Variants in USP12 observed in about 807,000 individuals in gnomAD.
USP12 encodes the protein ubiquitin specific peptidase 12.
In USP12, 19 loss-of-function variants were observed where a neutral mutation model predicts 45.5. The observed-to-expected ratio is 0.42, with a 90% CI of 0.29 to 0.61. The LOEUF (loss-of-function observed/expected upper bound fraction) is 0.61. Among genes scored for constraint, USP12 ranks in the 20% least tolerant of loss-of-function variants. USP12 has a pLI of 0.22. For synonymous variants in USP12, 149 were observed against 148.8 expected (o/e 1.00, Z -0.01); for missense variants, 242 against 447.7 (o/e 0.54, Z 4.15).
intron 6 of USP12, among the ~76,000 whole-genome samples, chr13:27,083,112 G>A (rs1243372598): frequency 6.6e-6 from 1 of 152,198 alleles, no homozygotes; most frequent in Non-Finnish European, 1.5e-5. Flanking sequence ...TGGGATTACA[G>A]GTGTGAGTCA....
intron 1 of USP12, among the ~76,000 whole-genome samples, chr13:27,165,533 T>A (rs2137848529): frequency 6.6e-6 from 1 of 152,192 alleles, no homozygotes; most frequent in South Asian, 2.1e-4. Context: ...ACACAGTGAT[T>A]ACCATGGGCC....
At chr13:27,085,312 C>G (rs1873961789) in intron 6 of USP12, among the ~76,000 whole-genome samples, 1 of 152,156 alleles carries the variant, frequency 6.6e-6, no homozygotes, top group East Asian at 1.9e-4. Flanking sequence ...TCCAGAGTAG[C>G]TGGGATTACA....
At chr13:27,153,434 A>G (rs1034636871) in intron 1 of USP12, among the ~76,000 whole-genome samples, 1 of 152,276 alleles carries the variant, frequency 6.6e-6, no homozygotes, top group Non-Finnish European at 1.5e-5. Context: ...GTAATGAAAT[A>G]GAAATATTTT....
chr13:27,145,908 A>G (rs1027298434), intron 1 of USP12, among the ~76,000 whole-genome samples: 6 of 152,190 alleles, frequency 3.9e-5, no homozygotes, highest in African/African-American at 1.4e-4. Flanking sequence ...AATGTTAAGA[A>G]AATATTTAAT....
chr13:27,095,890 C>G, intron 3 of USP12, 60 bp from the exon 4 acceptor site: 1 of 1,278,734 alleles, frequency 7.8e-7, no homozygotes, highest in Non-Finnish European at 1.1e-6. Flanking sequence ...CATAAAAAAC[C>G]AATTTATAAA....
At chr13:27,135,300 T>C (rs760905467) in intron 1 of USP12, among the ~76,000 whole-genome samples, 18 of 152,178 alleles carry the variant, frequency 1.2e-4, no homozygotes, top group Non-Finnish European at 2.1e-4. Context: ...AATGAAAACA[T>C]TTAGAATTTA....
At chr13:27,122,370 A>G (rs59419270) in intron 1 of USP12, among the ~76,000 whole-genome samples, 2,466 of 152,238 alleles carry the variant, frequency 0.016, 28 homozygotes, top group Middle Eastern at 0.034. Context: ...TCCTCCCATG[A>G]TTCTGAGCCC....
At chr13:27,151,695 T>C (rs1877575293) in intron 1 of USP12, among the ~76,000 whole-genome samples, 1 of 152,054 alleles carries the variant, frequency 6.6e-6, no homozygotes, top group Non-Finnish European at 1.5e-5. Context: ...GGTGGGAGGA[T>C]GACTTGAGAC....
chr13:27,158,921 C>A (rs1344856255), intron 1 of USP12, among the ~76,000 whole-genome samples: 1 of 152,090 alleles, frequency 6.6e-6, no homozygotes, highest in African/African-American at 2.4e-5. Context: ...AATAAACCTG[C>A]AGTTTTAAAT....
intron 1 of USP12, among the ~76,000 whole-genome samples, chr13:27,166,653 C>T (rs763266095): frequency 5.3e-5 from 8 of 152,142 alleles, no homozygotes; most frequent in Non-Finnish European, 1.2e-4. Flanking sequence ...AATATTTATA[C>T]ACATGCCACA....
chr13:27,163,000 TAAAC>T (rs1315863761), intron 1 of USP12: 1 of 152,216 alleles, frequency 6.6e-6, no homozygotes, highest in African/African-American at 2.4e-5. Context: ...AGTTGGCTCT[TAAAC>T]AAGGAGGCCC....
chr13:27,153,103 AG>A (rs1351917300), intron 1 of USP12, among the ~76,000 whole-genome samples: 1 of 152,184 alleles, frequency 6.6e-6, no homozygotes, highest in Non-Finnish European at 1.5e-5. Context: ...AGGCTGAGGC[AG>A]GCTGATCACC....
chr13:27,171,277 G>A (rs1878592638), intron 1 of USP12, among the ~76,000 whole-genome samples: 1 of 149,850 alleles, frequency 6.7e-6, no homozygotes, highest in African/African-American at 2.4e-5. Context: ...GCGGACCCCA[G>A]CAGTTCAGCC....
chr13:27,133,387 T>C (rs1010861202), intron 1 of USP12, among the ~76,000 whole-genome samples: 3 of 152,186 alleles, frequency 2.0e-5, no homozygotes, highest in Admixed American at 6.5e-5. Flanking sequence ...TAAATTATCA[T>C]CTAAATTACG....
At chr13:27,163,603 T>G (rs1054894957) in intron 1 of USP12, among the ~76,000 whole-genome samples, 32 of 146,752 alleles carry the variant, frequency 2.2e-4, no homozygotes, top group African/African-American at 8.5e-4. Context: ...GTTTTCAATC[T>G]TCTCATCAGG....
intron 1 of USP12, among the ~76,000 whole-genome samples, chr13:27,166,226 T>C (rs1878339665): frequency 6.6e-6 from 1 of 152,292 alleles, no homozygotes; most frequent in Non-Finnish European, 1.5e-5. Context: ...CAAAATACCA[T>C]ATTAAGTTTC....
At chr13:27,116,381 T>A in intron 2 of USP12, 135 bp downstream of exon 2, 1 of 635,962 alleles carries the variant, frequency 1.6e-6, no homozygotes, top group Non-Finnish European at 2.4e-6. Flanking sequence ...ATTTCAAAAT[T>A]CCCAATCAAG....
At chr13:27,145,442 CA>C (rs1877269249) in intron 1 of USP12, among the ~76,000 whole-genome samples, 1 of 152,200 alleles carries the variant, frequency 6.6e-6, no homozygotes. Context: ...AGAAATCAAT[CA>C]GTTAGGCTTC....
intron 1 of USP12, among the ~76,000 whole-genome samples, chr13:27,126,753 T>A (rs1354198152): frequency 6.6e-6 from 1 of 152,124 alleles, no homozygotes; most frequent in African/African-American, 2.4e-5. Flanking sequence ...TACTGTAGAG[T>A]TACCAAAGTT....
Sources: allele counts gnomAD v4.1 joint callset (sites outside exome capture counted in the v4.1 genomes callset), GRCh38; gene constraint gnomAD v4.1.1; transcripts MANE v1.5; gene names NCBI Gene and HGNC (gene_info 2026-07-23, HGNC 2026-07-21).